LANCL1: variants seen among roughly 807,000 people sequenced by gnomAD.
LANCL1 encodes the protein LanC like glutathione S-transferase 1, also known as glutathione S-transferase LANCL1.
Under a neutral mutation model 50.6 loss-of-function variants are expected in LANCL1, and 50 were observed. The observed-to-expected ratio is 0.99, with a 90% CI of 0.79 to 1.25. The LOEUF (loss-of-function observed/expected upper bound fraction) is 1.25. Ranked by LOEUF, LANCL1 falls within the 50% of genes most tolerant of loss-of-function variation. LANCL1 has a pLI of 0.00. For missense variants in LANCL1, 532 were observed against 480.7 expected (o/e 1.11, Z -1.00); for synonymous variants, 188 against 178.6 (o/e 1.05, Z -0.42).
intron 8 of LANCL1, among the ~76,000 whole-genome samples, chr2:210,435,673 CAAG>C (rs1692903319): frequency 6.6e-6 from 1 of 152,068 alleles, no homozygotes; most frequent in African/African-American, 2.4e-5. Flanking sequence ...CAAGGTTATT[CAAG>C]AAGAAAGGCA....
chr2:210,476,462 C>G, intron 1 of LANCL1, 50 bp from the exon 2 acceptor site: 1 of 1,491,322 alleles, frequency 6.7e-7, no homozygotes, highest in Non-Finnish European at 8.9e-7. Flanking sequence ...GGGCCTCGGC[C>G]GAGTTGCGAG....
At chr2:210,468,903 TG>T in intron 3 of LANCL1, 1 of 152,374 alleles carries the variant, frequency 6.6e-6, no homozygotes, top group Non-Finnish European at 1.5e-5. Flanking sequence ...TTTTCTTTTT[TG>T]GGGTATAGAT....
chr2:210,462,022 T>C (rs1004920814), intron 3 of LANCL1, among the ~76,000 whole-genome samples: 8 of 152,228 alleles, frequency 5.3e-5, no homozygotes, highest in South Asian at 2.1e-4. Context: ...GTTTTGTGGT[T>C]TCCATTTTAT....
chr2:210,438,766 TAAC>T (rs1306567772), intron 6 of LANCL1, among the ~76,000 whole-genome samples: 10 of 152,214 alleles, frequency 6.6e-5, no homozygotes, highest in Non-Finnish European at 2.9e-5. Flanking sequence ...TATTTTGACA[TAAC>T]AACGTACAGA....
intron 4 of LANCL1, among the ~76,000 whole-genome samples, chr2:210,452,647 A>G (rs1693545848): frequency 6.6e-6 from 1 of 152,156 alleles, no homozygotes; most frequent in African/African-American, 2.4e-5. Context: ...AAACCCTAAG[A>G]TTCTGGCCCA....
rs1692774608 is a variant in LANCL1, at chr2:210,432,383, A to AT, written c.*2103dup. The AT allele has an allele frequency of 6.6e-6, 1 of 152,136 alleles. No individual in the cohort carries two copies. Among genetic ancestry groups the AT allele is most frequent in the Non-Finnish European group, 1.5e-5 (1 of 68,014 alleles). 9.4% of individuals were successfully genotyped at this position (152,136 alleles called of 1,614,324 possible). The stretch of plus-strand genomic sequence containing the variant: ...TAACCCATTTATGCTGGGGGTTGCA[A>AT]TTTTTTGTGTGAAAAATCAGACCTT... On this transcript the variant is annotated 3_prime_UTR_variant, in exon 10 of 10. Transcript: ENST00000450366.
In LANCL1 at chr2:210,440,644, A is replaced by T; in HGVS notation, c.644T>A (p.Val215Glu). 1 of 1,613,972 alleles carries T rather than the reference A, an allele frequency of 6.2e-7. No homozygotes were observed. The highest frequency in any genetic ancestry group is 8.5e-7 in the Non-Finnish European group (1 of 1,179,902). The change falls in exon 6 of 10, where the codon GTA becomes GAA. Residue 215 changes from valine to glutamate, a missense_variant. Physicochemically the swap from Val to Glu is moderately radical, Grantham distance 121 (BLOSUM62 -2). Transcript: ENST00000450366. The part of the protein sequence containing the change: ...LMYEWYQEYY[V>E]GAAHGLAGIY... Reference sequence around the variant, plus strand: ...TCCAGCCAGGCCATGAGCAGCCCCTACATAATATTCCTGGTACCATTCATA... The same window carrying T: ...TCCAGCCAGGCCATGAGCAGCCCCTTCATAATATTCCTGGTACCATTCATA...
intron 3 of LANCL1, among the ~76,000 whole-genome samples, chr2:210,461,651 G>GAA (rs1693865873): frequency 6.6e-6 from 1 of 152,094 alleles, no homozygotes; most frequent in Admixed American, 6.6e-5. Context: ...TTGAAAAGAG[G>GAA]AAATACATGC....
intron 3 of LANCL1, among the ~76,000 whole-genome samples, chr2:210,456,871 A>G (rs1215976349): frequency 6.6e-6 from 1 of 152,226 alleles, no homozygotes; most frequent in African/African-American, 2.4e-5. Context: ...ATTAGCAACA[A>G]TTCCTCTTGG....
chr2:210,462,722 G>A (rs2105917257), intron 3 of LANCL1, among the ~76,000 whole-genome samples: 1 of 152,232 alleles, frequency 6.6e-6, no homozygotes, highest in South Asian at 2.1e-4. Context: ...AGCTGCAAAT[G>A]CCTGTAAGTC....
intron 4 of LANCL1, among the ~76,000 whole-genome samples, chr2:210,447,701 C>T (rs184804986): frequency 2.1e-3 from 317 of 152,144 alleles, no homozygotes; most frequent in African/African-American, 7.3e-3. Context: ...GCAGGGGTTG[C>T]AATCCTAGTC....
chr2:210,465,369 C>T (rs564323693), intron 3 of LANCL1, among the ~76,000 whole-genome samples: 1 of 152,288 alleles, frequency 6.6e-6, no homozygotes, highest in Non-Finnish European at 1.5e-5. Context: ...AGAAAAAAGT[C>T]GTGACATTAC....
intron 5 of LANCL1, 75 bp downstream of exon 5, chr2:210,441,233 C>T: frequency 6.9e-7 from 1 of 1,443,952 alleles, no homozygotes; most frequent in South Asian, 1.2e-5. Flanking sequence ...ACTACAGAGA[C>T]ATAAACAATA....
intron 3 of LANCL1, among the ~76,000 whole-genome samples, chr2:210,455,690 A>G (rs1283988933): frequency 1.3e-5 from 2 of 152,166 alleles, no homozygotes; most frequent in African/African-American, 4.8e-5. Context: ...AATAAATGTA[A>G]TTGATTTACC....
At position 210,464,680 on chromosome 2, in the gene LANCL1, G is replaced by A. The variant is rs779822404; in HGVS notation, c.199+7279C>T. On this transcript the variant is annotated intron_variant, in intron 3 of 9. Transcript: ENST00000450366. ...AGCTAAAATTTATTAAAACTTATGC[G>A]TACAGGCCGGGCGCGGTGGCTCACG... Among the ~76,000 whole-genome samples the A allele has an allele frequency of 2.0e-4, 30 of 152,090 alleles. 1 individual carries two copies. The highest frequency in any genetic ancestry group is 5.9e-4 in the Admixed American group (9 of 15,282).
intron 4 of LANCL1, among the ~76,000 whole-genome samples, chr2:210,445,532 C>T (rs1479148541): frequency 3.3e-5 from 5 of 151,590 alleles, no homozygotes; most frequent in Non-Finnish European, 5.9e-5. Flanking sequence ...TAGTTGGGTT[C>T]GATGATTACT....
chr2:210,471,300 C>T (rs1694216772), intron 3 of LANCL1, among the ~76,000 whole-genome samples: 1 of 151,954 alleles, frequency 6.6e-6, no homozygotes, highest in African/African-American at 2.4e-5. Flanking sequence ...CCGCCTCGGC[C>T]TCCCAAAGTG....
chr2:210,458,821 G>GA (rs1693746685), intron 3 of LANCL1, among the ~76,000 whole-genome samples: 2 of 152,158 alleles, frequency 1.3e-5, no homozygotes, highest in African/African-American at 2.4e-5. Flanking sequence ...CACTTAATGA[G>GA]AAAAAACATT....
At chr2:210,476,516 G>T in intron 1 of LANCL1, 104 bp from the exon 2 acceptor site, 1 of 1,409,062 alleles carries the variant, frequency 7.1e-7, no homozygotes, top group Non-Finnish European at 9.3e-7. Context: ...CAGCTCCAGG[G>T]CCATCGAGCC....
Sources: allele counts gnomAD v4.1 joint callset (sites outside exome capture counted in the v4.1 genomes callset), GRCh38; gene constraint gnomAD v4.1.1; transcripts MANE v1.5; gene names NCBI Gene and HGNC (gene_info 2026-07-23, HGNC 2026-07-21).